SLC12A6: variants seen among roughly 807,000 people sequenced by gnomAD.
SLC12A6 encodes the protein solute carrier family 12 member 6, also known as K-Cl cotransporter 3.
A neutral mutation model predicts 135.3 loss-of-function variants in SLC12A6; 66 were observed. The observed-to-expected ratio is 0.49, with a 90% confidence interval of 0.40 to 0.60. SLC12A6 has a LOEUF of 0.60. SLC12A6 is among the 20% of genes least tolerant of loss of function. The probability of loss-of-function intolerance (pLI) is 0.00; values close to 1 mark genes in which losing one functional copy is unlikely to be tolerated. For synonymous variants in SLC12A6, 513 were observed against 508.8 expected (o/e 1.01, Z -0.11); for missense variants, 1,058 against 1,452.3 (o/e 0.73, Z 4.41).
intron 2 of SLC12A6, among the ~76,000 whole-genome samples, chr15:34,326,833 A>G (rs1889495384): frequency 7.1e-6 from 1 of 140,544 alleles, no homozygotes; most frequent in African/African-American, 2.7e-5. Flanking sequence ...CTGGGACTAC[A>G]GGTGCACACC....
chr15:34,297,660 T>C (rs1363735437), intron 2 of SLC12A6, among the ~76,000 whole-genome samples: 1 of 152,072 alleles, frequency 6.6e-6, no homozygotes, highest in African/African-American at 2.4e-5. Context: ...AGTGTGAACT[T>C]GAAGGAGGAT....
chr15:34,255,587 T>C (rs1277406477), intron 7 of SLC12A6, among the ~76,000 whole-genome samples, 195 bp from the exon 8 acceptor site: 1 of 152,168 alleles, frequency 6.6e-6, no homozygotes, highest in East Asian at 1.9e-4. Flanking sequence ...ACTGCACAAC[T>C]AATGTAATGA....
chr15:34,255,314 C>T lies in SLC12A6; in HGVS notation c.824G>A (p.Gly275Asp). The change falls in exon 8 of 26, where the codon GGT becomes GAT. Residue 275 changes from glycine (G) to aspartate (D), a missense_variant. By Grantham distance (94) the Gly-to-Asp change is moderately conservative (BLOSUM62 -1). Coordinates refer to ENST00000354181, the MANE Select transcript of SLC12A6 (RefSeq NM_001365088.1). ...GTACATGGCTGCTGCAAATGTGGTA[C>T]CAAGATAAAAGCAGAGGCCAACAGC... The part of the protein sequence containing the change: ...GGAVGLCFYL[G>D]TTFAAAMYIL... The T allele has an allele frequency of 1.2e-6, 2 of 1,611,264 alleles. No homozygotes were observed. Among genetic ancestry groups the T allele is most frequent in the Non-Finnish European group, 1.7e-6 (2 of 1,177,402 alleles).
At chr15:34,281,362 T>G (rs1451774696) in intron 2 of SLC12A6, among the ~76,000 whole-genome samples, 1 of 152,168 alleles carries the variant, frequency 6.6e-6, no homozygotes, top group Non-Finnish European at 1.5e-5. Context: ...ATGGGTAGGA[T>G]CTCATCTTGG....
intron 9 of SLC12A6, among the ~76,000 whole-genome samples, chr15:34,253,299 A>G (rs1892521219): frequency 6.6e-6 from 1 of 152,194 alleles, no homozygotes; most frequent in African/African-American, 2.4e-5. Flanking sequence ...AGAAAATACC[A>G]TGCATTATGA....
intron 2 of SLC12A6, among the ~76,000 whole-genome samples, chr15:34,287,586 T>TC (rs1257036232): frequency 6.6e-6 from 1 of 152,218 alleles, no homozygotes. Context: ...TAATTTACAC[T>TC]CCCACCAACA....
chr15:34,308,655 AAC>A (rs1275728995), intron 2 of SLC12A6, among the ~76,000 whole-genome samples: 32 of 147,260 alleles, frequency 2.2e-4, no homozygotes, highest in African/African-American at 5.7e-4. Flanking sequence ...AAAAAAAACA[AAC>A]CAGATTGTTG....
chr15:34,255,367 G>A lies in SLC12A6; in HGVS notation c.771C>T (p.Ser257=). 1 of 1,610,728 alleles carries A rather than the reference G, an allele frequency of 6.2e-7. No individual in the cohort carries two copies. The highest frequency in any genetic ancestry group is 8.5e-7 in the Non-Finnish European group (1 of 1,176,912). The change falls in exon 8 of 26, where the codon TCC becomes TCT. Residue 257 remains serine (S), a synonymous_variant. Coordinates refer to ENST00000354181, the MANE Select transcript of SLC12A6 (RefSeq NM_001365088.1). ...CACCAAACTCTGGGCCCAGTGCCCGGGAAATCATAAAGTATGAGCCCCCAG... is the reference window on the plus strand; with the variant it reads ...CACCAAACTCTGGGCCCAGTGCCCGAGAAATCATAAAGTATGAGCCCCCAG... The part of the protein sequence containing the change: ...VPAGGSYFMI[S]RALGPEFGGA...
intron 11 of SLC12A6, 42 bp from the exon 12 acceptor site, chr15:34,250,771 C>A: frequency 7.2e-7 from 1 of 1,383,546 alleles, no homozygotes; most frequent in South Asian, 1.2e-5. Flanking sequence ...ACTTCTTGGA[C>A]ACTTTGATAT....
intron 3 of SLC12A6, among the ~76,000 whole-genome samples, chr15:34,270,831 CAA>C (rs60975779): frequency 0.17 from 20,156 of 118,724 alleles, 1,461 homozygotes; most frequent in East Asian, 0.35. Flanking sequence ...AAACAAAAAA[CAA>C]AAAAAAAAAA....
chr15:34,261,336 G>A (rs990227527), intron 3 of SLC12A6, among the ~76,000 whole-genome samples: 4 of 151,808 alleles, frequency 2.6e-5, no homozygotes, highest in Non-Finnish European at 1.5e-5. Context: ...CTGCTATGCC[G>A]CCCAGGCTGG....
chr15:34,286,998 T>A (rs1360121282), intron 2 of SLC12A6, among the ~76,000 whole-genome samples: 1 of 150,732 alleles, frequency 6.6e-6, no homozygotes, highest in East Asian at 1.9e-4. Context: ...AGCAAGTACT[T>A]TTTTTTTTAA....
intron 2 of SLC12A6, among the ~76,000 whole-genome samples, chr15:34,322,703 C>T (rs1212071409): frequency 6.6e-6 from 1 of 151,764 alleles, no homozygotes; most frequent in Admixed American, 6.6e-5. Context: ...ATAGGCTGGG[C>T]GTGGTGGCTT....
At position 34,293,796 on chromosome 15, in the gene SLC12A6, G is replaced by T. The variant is rs190840814; in HGVS notation, c.272-18407C>A. The stretch of plus-strand genomic sequence containing the variant: ...AAAAATGTTTTTTTGTAGAGACAAG[G>T]TCTCCCTATGTTGCCCAGGCTGGCC... On this transcript the variant is annotated intron_variant, in intron 2 of 25. Transcript: ENST00000354181. Among the ~76,000 whole-genome samples the T allele has an allele frequency of 3.9e-5, 6 of 152,268 alleles. No individual in the cohort carries two copies. The East Asian group carries it at 7.7e-4, about 20-fold the overall frequency.
intron 10 of SLC12A6, 91 bp downstream of exon 10, chr15:34,252,079 A>G: frequency 2.8e-6 from 2 of 721,684 alleles, no homozygotes; most frequent in Non-Finnish European, 5.0e-6. Context: ...CATGGCAGTG[A>G]ATCTTTATGG....
intron 9 of SLC12A6, among the ~76,000 whole-genome samples, chr15:34,253,301 G>A (rs1280891909): frequency 6.6e-6 from 1 of 152,084 alleles, no homozygotes; most frequent in Non-Finnish European, 1.5e-5. Context: ...AAAATACCAT[G>A]CATTATGACC....
intron 2 of SLC12A6, among the ~76,000 whole-genome samples, chr15:34,312,632 G>A (rs150974862): frequency 2.0e-5 from 3 of 152,282 alleles, no homozygotes; most frequent in African/African-American, 7.2e-5. Context: ...CGAAACCCAG[G>A]GTTTTGAAAT....
intron 3 of SLC12A6, among the ~76,000 whole-genome samples, chr15:34,266,963 CTA>C (rs1034190338): frequency 6.6e-6 from 1 of 152,050 alleles, no homozygotes; most frequent in African/African-American, 2.4e-5. Flanking sequence ...TGTTTTTTCT[CTA>C]TGACTCATTC....
chr15:34,239,363 T>C (rs987636018), intron 19 of SLC12A6, among the ~76,000 whole-genome samples: 2 of 152,270 alleles, frequency 1.3e-5, no homozygotes, highest in African/African-American at 4.8e-5. Flanking sequence ...TTTTTGCCTC[T>C]GTAGCTGGTT....
Sources: allele counts gnomAD v4.1 joint callset (sites outside exome capture counted in the v4.1 genomes callset), GRCh38; gene constraint gnomAD v4.1.1; transcripts MANE v1.5; gene names NCBI Gene and HGNC (gene_info 2026-07-23, HGNC 2026-07-21).